Variants in MCM5 observed in about 807,000 individuals in gnomAD.
MCM5 encodes minichromosome maintenance complex component 5, also known as DNA replication licensing factor MCM5.
A neutral mutation model predicts 79.9 loss-of-function variants in MCM5; 46 were observed. The ratio of observed to expected loss-of-function variants is 0.58; its 90% CI spans 0.45 to 0.74. MCM5 has a LOEUF of 0.74. MCM5 is among the 30% of genes least tolerant of loss of function. The pLI, the probability that MCM5 is intolerant of heterozygous loss-of-function variation, is 0.00. For missense variants in MCM5, 883 were observed against 1,017.0 expected (o/e 0.87, Z 1.79); for synonymous variants, 404 against 390.5 (o/e 1.03, Z -0.41).
intron 9 of MCM5, 103 bp downstream of exon 9, chr22:35,414,089 G>A (rs1367599327): frequency 2.8e-5 from 20 of 703,364 alleles, no homozygotes; most frequent in South Asian, 1.6e-4. Context: ...TGGCTCACCC[G>A]GAATCTCTTC....
rs1932740592 is a variant in MCM5 at position 35,423,280 on chromosome 22, G to C, written c.2042G>C (p.Arg681Pro). The C allele has an allele frequency of 6.2e-7, 1 of 1,608,338 alleles. No individual in the cohort carries two copies. Among genetic ancestry groups the C allele is most frequent in the Non-Finnish European group, 8.5e-7 (1 of 1,176,514 alleles). ...MLSRIEKQLK[R>P]RFAIGSQVSE... ...AGCCGCATCGAGAAGCAGCTCAAGC[G>C]CCGCTTTGCCATTGGCTCCCAGGTG... The change falls in exon 16 of 17, where the codon CGC (arginine) becomes CCC (proline). Residue 681 changes from arginine to proline, a missense_variant. This residue lies in a region of MCM5 where 426 missense variants were observed against 482.3 expected (regional missense o/e 0.88). Coordinates refer to ENST00000216122, the MANE Select transcript of MCM5 (RefSeq NM_006739.4).
rs1285803572 is a variant in MCM5 at position 35,417,800 on chromosome 22, T to A, written c.1647T>A (p.Ala549=). The change falls in exon 13 of 17, where the codon GCT becomes GCA. Residue 549 remains alanine (A), a synonymous_variant. Transcript: ENST00000216122. ...TGAGCGCACTGACACAGACACAGGC[T>A]GTGGAGGGCGAGATTGACCTGGCCA... ...LHVSALTQTQ[A]VEGEIDLAKL... is the part of the protein sequence containing the mutation. 9 of 1,614,200 alleles carry A rather than the reference T, an allele frequency of 5.6e-6. No homozygotes were observed. In the Admixed American group the frequency reaches 8.3e-5, roughly 15 times the overall value.
chr22:35,420,542 G>A (rs2145801034), intron 14 of MCM5, among the ~76,000 whole-genome samples: 1 of 152,346 alleles, frequency 6.6e-6, no homozygotes, highest in East Asian at 1.9e-4. Context: ...GAAATAGGAA[G>A]TTCATTTCTC....
the MCM5 span, among the ~76,000 whole-genome samples, chr22:35,439,278 T>C: frequency 1.3e-5 from 2 of 149,956 alleles, no homozygotes; most frequent in Non-Finnish European, 3.0e-5. Context: ...CAATCATCCA[T>C]CCATCCATCT....
At chr22:35,436,719 GCCACAGGCCATTCTGGGTCAGGA>G in the MCM5 span, among the ~76,000 whole-genome samples, 1 of 152,210 alleles carries the variant, frequency 6.6e-6, no homozygotes, top group Non-Finnish European at 1.5e-5. Flanking sequence ...TTGGGGCAGG[GCCACAGGCCATTCTGGGTCAGGA>G]CCCTGTCCTA....
chr22:35,412,837 G>C (rs1431893763), intron 8 of MCM5, among the ~76,000 whole-genome samples, 156 bp downstream of exon 8: 1 of 152,186 alleles, frequency 6.6e-6, no homozygotes, highest in Non-Finnish European at 1.5e-5. Flanking sequence ...CTTGCCATCA[G>C]CTGGCTAGTG....
intron 13 of MCM5, among the ~76,000 whole-genome samples, chr22:35,419,109 TCATC>T (rs976120616): frequency 5.3e-4 from 80 of 152,166 alleles, no homozygotes; most frequent in African/African-American, 1.8e-3. Flanking sequence ...CCCTGGGTCT[TCATC>T]CAAGTCTGAG....
At chr22:35,411,249 C>G (rs1932375175) in intron 7 of MCM5, 1 of 186,780 alleles carries the variant, frequency 5.4e-6, no homozygotes, top group African/African-American at 2.3e-5. Flanking sequence ...CGCCTAGTGT[C>G]TAGTTGGAGA....
intron 2 of MCM5, among the ~76,000 whole-genome samples, chr22:35,402,969 G>T (rs908785470): frequency 6.6e-6 from 1 of 152,206 alleles, no homozygotes; most frequent in African/African-American, 2.4e-5. Flanking sequence ...TCCTTTGACT[G>T]TCTTGTGGAC....
chr22:35,444,166 G>GGAGA, the MCM5 span, among the ~76,000 whole-genome samples: 28 of 147,952 alleles, frequency 1.9e-4, no homozygotes, highest in Middle Eastern at 3.4e-3. Context: ...CTGACAGGCA[G>GGAGA]GAGAGAGAGA....
chr22:35,438,197 A>G, the MCM5 span, among the ~76,000 whole-genome samples: 3 of 151,860 alleles, frequency 2.0e-5, no homozygotes, highest in African/African-American at 7.3e-5. Flanking sequence ...CCATCCATTC[A>G]TCCATCCACC....
chr22:35,443,406 C>T, the MCM5 span, among the ~76,000 whole-genome samples: 50 of 152,138 alleles, frequency 3.3e-4, no homozygotes, highest in Non-Finnish European at 2.9e-4. Flanking sequence ...CCAGGCTGGT[C>T]TCAAACTCCT....
Position 35,414,008 on chromosome 22 carries a change from T to C in MCM5, c.1203+22T>C, listed in dbSNP as rs187184267. On this transcript the variant is annotated intron_variant, in intron 9 of 16. Coordinates refer to ENST00000216122, the MANE Select transcript of MCM5 (RefSeq NM_006739.4). ...TGGGGTGAGTGGCCTGGGATACCTTTGCCACCTTGGCTTGCAGGGAGGAAG... is the reference window on the plus strand; with the variant it reads ...TGGGGTGAGTGGCCTGGGATACCTTCGCCACCTTGGCTTGCAGGGAGGAAG... 1,359 of 1,541,256 alleles carry C rather than the reference T, an allele frequency of 8.8e-4. 18 individuals are homozygous for C. In the African/African-American group the frequency reaches 0.013, roughly 15 times the overall value.
the MCM5 span, among the ~76,000 whole-genome samples, chr22:35,443,792 C>T: frequency 4.5e-4 from 69 of 152,290 alleles, no homozygotes; most frequent in African/African-American, 1.4e-3. Context: ...CTCTGCCTCC[C>T]GCACTGCATG....
the MCM5 span, among the ~76,000 whole-genome samples, chr22:35,441,327 T>C: frequency 2.0e-5 from 3 of 151,636 alleles, no homozygotes; most frequent in Non-Finnish European, 4.4e-5. Flanking sequence ...GAGGGAGGAG[T>C]GAGCTAAGGG....
At chr22:35,404,724 T>TC (rs1206052865) in intron 4 of MCM5, among the ~76,000 whole-genome samples, 1 of 152,124 alleles carries the variant, frequency 6.6e-6, no homozygotes, top group Non-Finnish European at 1.5e-5. Flanking sequence ...CACAGCCTCT[T>TC]CCTGCTTTCT....
rs4645827 is a variant in MCM5 at position 35,424,596 on chromosome 22, A to C, written c.*341A>C. 19,840 of 204,698 alleles carry C rather than the reference A, an allele frequency of 0.097. 1,045 individuals carry two copies. Among genetic ancestry groups the C allele is most frequent in the East Asian group, 0.13 (1,162 of 9,040 alleles). The allele number at this position is 204,698 out of a possible 1,614,324, so 12.7% of individuals were successfully genotyped here. A position where few individuals can be genotyped will look rare whatever the true frequency, so the allele number is the denominator to read the frequency against. On this transcript the variant is annotated 3_prime_UTR_variant, in exon 17 of 17. Coordinates refer to ENST00000216122, the MANE Select transcript of MCM5 (RefSeq NM_006739.4). Reference sequence around the variant, plus strand: ...AACAGGGTCTGGAGGCAGACTGGCCAGGGTTTCTGACTTGGATCTGCCACT... The same window carrying C: ...AACAGGGTCTGGAGGCAGACTGGCCCGGGTTTCTGACTTGGATCTGCCACT...
intron 9 of MCM5, among the ~76,000 whole-genome samples, chr22:35,414,556 T>G (rs1932484588): frequency 6.6e-6 from 1 of 151,114 alleles, no homozygotes; most frequent in South Asian, 2.1e-4. Flanking sequence ...AACGGGGAGG[T>G]TGCAGTGAGC....
chr22:35,433,190 A>G, the MCM5 span, among the ~76,000 whole-genome samples: 1 of 151,606 alleles, frequency 6.6e-6, no homozygotes, highest in African/African-American at 2.4e-5. Context: ...TCCTGCCTCC[A>G]CCTCCTAAGT....
Sources: gnomAD v4.1 joint callset for allele counts (sites outside exome capture counted in the v4.1 genomes callset) on GRCh38, gnomAD v4.1.1 for gene constraint, gnomAD v4.1.1 regional missense constraint, MANE v1.5 for transcripts, NCBI Gene and HGNC (gene_info 2026-07-23, HGNC 2026-07-21) for gene names.